Variants in VSX2 observed in about 807,000 individuals in gnomAD.
VSX2 encodes the protein ceh-10 homeo domain containing homolog.
VSX2 carries 28 observed loss-of-function variants against 32.1 expected under a neutral mutation model. The observed-to-expected ratio is 0.87, with a 90% CI of 0.65 to 1.20. The LOEUF (loss-of-function observed/expected upper bound fraction) is 1.20. Ranked by LOEUF, VSX2 falls within the 50% of genes most tolerant of loss-of-function variation. The pLI is 0.00. For synonymous variants in VSX2, 243 were observed against 214.1 expected (o/e 1.14, Z -1.18); for missense variants, 506 against 488.7 (o/e 1.04, Z -0.33).
At chr14:74,249,800 A>G (rs10139627) in intron 3 of VSX2, among the ~76,000 whole-genome samples, 125,036 of 152,076 alleles carry the variant, frequency 0.82, 51,954 homozygotes, top group Admixed American at 0.9. Flanking sequence ...GAAAGGCATG[A>G]TGATTTCCTC....
intron 3 of VSX2, among the ~76,000 whole-genome samples, chr14:74,258,208 G>T (rs2079279956): frequency 6.6e-6 from 1 of 152,234 alleles, no homozygotes; most frequent in Non-Finnish European, 1.5e-5. Context: ...GGTCAATGCC[G>T]CGGCTCCCGG....
rs369765378 is a variant in VSX2, at chr14:74,248,118, C to T, written c.579+2830C>T. ...GACTTCCCTCCCCATCATTTCCCCT[C>T]CACGTGTTGGCCGCCACTCCTGAGC... On this transcript the variant is annotated intron_variant, in intron 3 of 4. Coordinates refer to ENST00000261980, the MANE Select transcript of VSX2 (RefSeq NM_182894.3). 1.2e-4 allele frequency among the ~76,000 whole-genome samples: 19 copies of T among 152,164 alleles called. No individual in the cohort carries two copies. In the East Asian group the frequency reaches 2.1e-3, roughly 17 times the overall value.
rs775981376 is a variant in VSX2, at chr14:74,239,754, C to T, written c.193C>T (p.Arg65Cys). 1.1e-4 allele frequency: 164 copies of T among 1,550,878 alleles called. No individual in the cohort carries two copies. Among genetic ancestry groups the T allele is most frequent in the Non-Finnish European group, 1.4e-4 (158 of 1,147,866 alleles). Residue 65 changes from arginine to cysteine, a missense_variant, in exon 1 of 5, where the codon CGC becomes TGC. Physicochemically the swap from Arg to Cys is radical, Grantham distance 180. Coordinates refer to ENST00000261980, the MANE Select transcript of VSX2 (RefSeq NM_182894.3). ...GGCCCCCGGGCACTTGCTGGCGGCG[C>T]GCTCAGTGCTCAGCCCCGCGGGGGT... Reference protein sequence around the residue: ...GLAPGHLLAARSVLSPAGVGG... With the variant: ...GLAPGHLLAACSVLSPAGVGG...
At chr14:74,240,099 G>A (rs1043277608) in intron 1 of VSX2, among the ~76,000 whole-genome samples, 168 bp downstream of exon 1, 4 of 152,232 alleles carry the variant, frequency 2.6e-5, no homozygotes, top group Non-Finnish European at 4.4e-5. Context: ...GGGCCCGGGA[G>A]GATGCTTCGG....
At chr14:74,254,435 AAAAAG>A (rs928986328) in intron 3 of VSX2, among the ~76,000 whole-genome samples, 2 of 151,738 alleles carry the variant, frequency 1.3e-5, no homozygotes, top group African/African-American at 4.8e-5. Context: ...AAAAAGAAAG[AAAAAG>A]AAAAGAAATG....
At chr14:74,246,298 T>C (rs1404863318) in intron 3 of VSX2, among the ~76,000 whole-genome samples, 1 of 152,190 alleles carries the variant, frequency 6.6e-6, no homozygotes, top group African/African-American at 2.4e-5. Flanking sequence ...CTCCCCAGTC[T>C]AGGTTCCTTG....
intron 3 of VSX2, among the ~76,000 whole-genome samples, chr14:74,252,459 C>T (rs1460258071): frequency 2.0e-5 from 3 of 150,774 alleles, no homozygotes; most frequent in Non-Finnish European, 2.9e-5. Context: ...GGCACGATCT[C>T]GGCTCACTGC....
intron 3 of VSX2, among the ~76,000 whole-genome samples, chr14:74,251,553 A>G (rs573078460): frequency 3.9e-5 from 6 of 152,346 alleles, no homozygotes. Context: ...GAATGTAAAC[A>G]CACTGGGTTG....
At chr14:74,252,263 G>C (rs1189190239) in intron 3 of VSX2, among the ~76,000 whole-genome samples, 1 of 152,226 alleles carries the variant, frequency 6.6e-6, no homozygotes, top group African/African-American at 2.4e-5. Flanking sequence ...CATCCACTTG[G>C]CAAGAAGTCC....
chr14:74,241,895 C>T (rs553826261), intron 2 of VSX2, among the ~76,000 whole-genome samples: 7 of 152,284 alleles, frequency 4.6e-5, no homozygotes, highest in Admixed American at 2.6e-4. Context: ...TCCCACCAGC[C>T]GTAGCTGGAG....
chr14:74,244,954 G>A (rs1301867383), intron 2 of VSX2, among the ~76,000 whole-genome samples: 1 of 75,724 alleles, frequency 1.3e-5, no homozygotes, highest in African/African-American at 7.3e-5. Context: ...AAGTGTGTGT[G>A]TGTGTGTGTG....
At chr14:74,253,699 G>C (rs1300399440) in intron 3 of VSX2, among the ~76,000 whole-genome samples, 1 of 152,202 alleles carries the variant, frequency 6.6e-6, no homozygotes, top group African/African-American at 2.4e-5. Context: ...CGGAGGCCGA[G>C]GCTGGCTGAT....
intron 3 of VSX2, among the ~76,000 whole-genome samples, chr14:74,258,319 G>A (rs546524687): frequency 1.3e-5 from 2 of 152,252 alleles, no homozygotes; most frequent in South Asian, 2.1e-4. Context: ...GCTGCCCCTG[G>A]GGGTGACTCT....
At chr14:74,256,721 T>C (rs1400405821) in intron 3 of VSX2, among the ~76,000 whole-genome samples, 1 of 143,090 alleles carries the variant, frequency 7.0e-6, no homozygotes, top group Non-Finnish European at 1.5e-5. Context: ...TTGCACAGGC[T>C]GGAGTGCAGT....
At chr14:74,241,323 G>C in intron 2 of VSX2, 57 bp downstream of exon 2, 2 of 1,575,196 alleles carry the variant, frequency 1.3e-6, no homozygotes, top group Non-Finnish European at 8.7e-7. Flanking sequence ...GCCGTCCCCC[G>C]TTCCGGGATC....
chr14:74,260,009 C>T (rs1042698536), intron 4 of VSX2, among the ~76,000 whole-genome samples: 16 of 152,168 alleles, frequency 1.1e-4, no homozygotes, highest in African/African-American at 2.4e-4. Flanking sequence ...TCATCATGAA[C>T]GAGTCCCTAA....
chr14:74,253,547 C>T (rs2139641452), intron 3 of VSX2, among the ~76,000 whole-genome samples: 1 of 152,374 alleles, frequency 6.6e-6, no homozygotes, highest in Non-Finnish European at 1.5e-5. Context: ...ATGTGGCAGG[C>T]ATTTCCCACA....
chr14:74,250,921 A>G (rs967178809), intron 3 of VSX2, among the ~76,000 whole-genome samples: 1 of 151,534 alleles, frequency 6.6e-6, no homozygotes, highest in African/African-American at 2.4e-5. Flanking sequence ...TGCTGAGATT[A>G]CAGGCGTGAG....
intron 3 of VSX2, among the ~76,000 whole-genome samples, chr14:74,255,790 G>A (rs1209244607): frequency 6.6e-6 from 1 of 152,154 alleles, no homozygotes; most frequent in East Asian, 1.9e-4. Flanking sequence ...ATTCCACAAT[G>A]CCTTCTCCAG....
Sources: gnomAD v4.1 joint callset for allele counts (sites outside exome capture counted in the v4.1 genomes callset) on GRCh38, gnomAD v4.1.1 for gene constraint, MANE v1.5 for transcripts, NCBI Gene and HGNC (gene_info 2026-07-23, HGNC 2026-07-21) for gene names.